APP: variants seen among roughly 807,000 people sequenced by gnomAD.
The protein encoded by APP is amyloid-beta precursor protein.
Under a neutral mutation model 101.4 loss-of-function variants are expected in APP, and 31 were observed. That is an observed-to-expected ratio of 0.31 (90% CI 0.23 to 0.41). The LOEUF is 0.41. Among genes scored for constraint, APP ranks in the 10% least tolerant of loss-of-function variants. The pLI, the probability that APP is intolerant of heterozygous loss-of-function variation, is 1.00. For missense variants in APP, 839 were observed against 1,003.7 expected (o/e 0.84, Z 2.22); for synonymous variants, 366 against 364.4 (o/e 1.00, Z -0.05).
chr21:25,978,362 ATTAAGAGCT>A (rs1012323776), intron 9 of APP, among the ~76,000 whole-genome samples: 8 of 152,208 alleles, frequency 5.3e-5, no homozygotes, highest in African/African-American at 1.9e-4. Flanking sequence ...CTGACCCTGT[ATTAAGAGCT>A]TTACAAAATC....
At chr21:26,043,618 G>GAATGCC (rs1402337867) in intron 5 of APP, among the ~76,000 whole-genome samples, 2 of 152,200 alleles carry the variant, frequency 1.3e-5, no homozygotes, top group African/African-American at 4.8e-5. Flanking sequence ...TGTTTGATGT[G>GAATGCC]AATGCCAATG....
chr21:25,896,413 A>AAC (rs1326669586), intron 16 of APP, among the ~76,000 whole-genome samples: 138 of 143,796 alleles, frequency 9.6e-4, no homozygotes, highest in Middle Eastern at 6.9e-3. Flanking sequence ...GGAAAAAAGT[A>AAC]ACACTCACAC....
At chr21:26,169,611 C>G (rs937238327) in intron 1 of APP, among the ~76,000 whole-genome samples, 2 of 152,222 alleles carry the variant, frequency 1.3e-5, no homozygotes, top group African/African-American at 4.8e-5. Flanking sequence ...AGAGGGGCCC[C>G]GAGGCTCCGC....
chr21:26,053,225 T>C lies in APP; in HGVS notation c.468+11A>G, dbSNP rs886056995. ...TCACTTTGCAATAAGAAAGAATTTA[T>C]GGGCTGGTACCTCTTTGGCGACGGT... On this transcript the variant is annotated intron_variant, in intron 4 of 17. Coordinates refer to ENST00000346798, the MANE Select transcript of APP (RefSeq NM_000484.4). 2 of 1,591,550 alleles carry C rather than the reference T, an allele frequency of 1.3e-6. No individual in the cohort carries two copies. Among genetic ancestry groups the C allele is most frequent in the East Asian group, 2.2e-5 (1 of 44,766 alleles).
intron 13 of APP, among the ~76,000 whole-genome samples, chr21:25,946,312 A>G (rs1026353458): frequency 4.6e-5 from 7 of 152,252 alleles, no homozygotes; most frequent in African/African-American, 1.4e-4. Context: ...AATATTTCCA[A>G]ATAATGTATT....
intron 13 of APP, among the ~76,000 whole-genome samples, chr21:25,924,429 G>GAAAA (rs1338097815): frequency 0.016 from 870 of 53,524 alleles, 3 homozygotes; most frequent in African/African-American, 0.026. Flanking sequence ...AAAAAAAAAG[G>GAAAA]AAAAAAAAAA....
intron 10 of APP, 82 bp downstream of exon 10, chr21:25,975,872 G>T: frequency 9.2e-7 from 1 of 1,083,164 alleles, no homozygotes; most frequent in Non-Finnish European, 1.4e-6. Flanking sequence ...TGAGGTGCTG[G>T]CAGATAAAGG....
chr21:26,020,796 G>A (rs1178358045), intron 6 of APP, among the ~76,000 whole-genome samples: 1 of 152,146 alleles, frequency 6.6e-6, no homozygotes, highest in African/African-American at 2.4e-5. Context: ...ACTCGTTTCT[G>A]TAACATTTGG....
intron 1 of APP, chr21:26,140,328 G>A: frequency 1.3e-6 from 2 of 1,525,290 alleles, no homozygotes; most frequent in Non-Finnish European, 1.8e-6. Flanking sequence ...CCTCGGGAGG[G>A]TGAGTCAACA....
chr21:26,120,331 T>A (rs1321372866), intron 1 of APP, among the ~76,000 whole-genome samples: 1 of 152,182 alleles, frequency 6.6e-6, no homozygotes, highest in Non-Finnish European at 1.5e-5. Context: ...CTGGCTAATT[T>A]TTCTGTAGAG....
chr21:26,063,053 T>C (rs931693449), intron 3 of APP, among the ~76,000 whole-genome samples: 6 of 152,190 alleles, frequency 3.9e-5, no homozygotes, highest in African/African-American at 7.2e-5. Context: ...CATGAGCCAC[T>C]GTACCCAGCC....
chr21:26,066,907 G>T (rs1240502645), intron 3 of APP, among the ~76,000 whole-genome samples: 1 of 152,198 alleles, frequency 6.6e-6, no homozygotes, highest in African/African-American at 2.4e-5. Context: ...CCTGGCCAGA[G>T]AGGTGCACAT....
intron 8 of APP, among the ~76,000 whole-genome samples, chr21:25,995,966 T>C (rs1182166236): frequency 2.0e-5 from 3 of 151,986 alleles, no homozygotes; most frequent in Non-Finnish European, 4.4e-5. Context: ...CAGGATAATG[T>C]ACACAAATGC....
chr21:26,125,696 G>A (rs2062668360), intron 1 of APP, among the ~76,000 whole-genome samples: 1 of 152,198 alleles, frequency 6.6e-6, no homozygotes, highest in East Asian at 1.9e-4. Flanking sequence ...GAAAAAGAAG[G>A]AAAACAATCA....
In APP at chr21:26,066,132, G is replaced by A. The variant is rs1423089163; in HGVS notation, c.356-12784C>T. ...TTTACAGTGCCTATGAATCACCTGG[G>A]GGCCTTGTTAAAATGCAGGTTTTGA... On this transcript the variant is annotated intron_variant, in intron 3 of 17. Transcript: ENST00000346798. Among the ~76,000 whole-genome samples the A allele has an allele frequency of 2.0e-5, 3 of 152,108 alleles. No individual in the cohort carries two copies. The East Asian group carries it at 5.8e-4, about 29-fold the overall frequency.
intron 1 of APP, among the ~76,000 whole-genome samples, chr21:26,161,065 C>T (rs1051032119): frequency 2.6e-5 from 4 of 152,108 alleles, no homozygotes; most frequent in Admixed American, 2.0e-4. Flanking sequence ...TCAATCTGAA[C>T]GTAATTCTTT....
rs150181616 is a variant in APP at position 25,996,562 on chromosome 21, C to T, written c.1090+798G>A. Among the ~76,000 whole-genome samples the T allele has an allele frequency of 2.0e-5, 3 of 152,206 alleles. No homozygotes were observed. In the South Asian group the frequency reaches 6.2e-4, roughly 32 times the overall value. On this transcript the variant is annotated intron_variant, in intron 8 of 17. Coordinates refer to ENST00000346798, the MANE Select transcript of APP (RefSeq NM_000484.4). ...TCCAGTTTTAGTAATGAAATGGTAA[C>T]CTTTGCTCTCTTTCTTCCCACCAGG...
intron 5 of APP, among the ~76,000 whole-genome samples, chr21:26,040,761 A>AAAAC (rs74534911): frequency 0.4 from 59,844 of 149,920 alleles, 12,804 homozygotes; most frequent in South Asian, 0.56. Context: ...ACTCTATCTC[A>AAAAC]AAACAAACAA....
intron 11 of APP, among the ~76,000 whole-genome samples, chr21:25,969,347 C>CAAAA (rs60834302): frequency 9.0e-5 from 5 of 55,654 alleles, no homozygotes; most frequent in Non-Finnish European, 1.6e-4. Flanking sequence ...GACTCTGTCT[C>CAAAA]AAAAAAAAAA....
Sources: gnomAD v4.1 joint callset for allele counts (sites outside exome capture counted in the v4.1 genomes callset) on GRCh38, gnomAD v4.1.1 for gene constraint, MANE v1.5 for transcripts, NCBI Gene and HGNC (gene_info 2026-07-23, HGNC 2026-07-21) for gene names.